Variants in ANO2 observed in about 807,000 individuals in gnomAD.
ANO2 encodes anoctamin-2.
ANO2 carries 101 observed loss-of-function variants against 124.2 expected under a neutral mutation model. The observed-to-expected ratio is 0.81, with a 90% CI of 0.69 to 0.96. ANO2 has a LOEUF of 0.96. ANO2 is among the 40% of genes least tolerant of loss of function. ANO2 has a pLI of 0.00. For synonymous variants in ANO2, 486 were observed against 482.5 expected (o/e 1.01, Z -0.09); for missense variants, 1,293 against 1,274.5 (o/e 1.01, Z -0.22).
At chr12:5,855,139 G>C (rs1365422810) in intron 3 of ANO2, among the ~76,000 whole-genome samples, 1 of 152,152 alleles carries the variant, frequency 6.6e-6, no homozygotes, top group African/African-American at 2.4e-5. Context: ...ACTGTGTTCA[G>C]AGAGAAGGAA....
At chr12:5,912,627 A>G (rs1190915793) in intron 3 of ANO2, among the ~76,000 whole-genome samples, 4 of 152,132 alleles carry the variant, frequency 2.6e-5, no homozygotes, top group Non-Finnish European at 4.4e-5. Flanking sequence ...GATCAAATCC[A>G]GCCAGCCCTA....
At chr12:5,850,285 G>A (rs56341078) in intron 4 of ANO2, among the ~76,000 whole-genome samples, 34 of 151,564 alleles carry the variant, frequency 2.2e-4, no homozygotes, top group Middle Eastern at 3.2e-3. Context: ...GCGTGGTGGC[G>A]CGTACTTATA....
At chr12:5,705,920 C>T (rs1368118750) in intron 14 of ANO2, among the ~76,000 whole-genome samples, 5 of 152,148 alleles carry the variant, frequency 3.3e-5, no homozygotes, top group Admixed American at 6.5e-5. Flanking sequence ...GCTGCCAGGT[C>T]GACAAGGTTC....
intron 3 of ANO2, among the ~76,000 whole-genome samples, chr12:5,888,045 C>T (rs749494779): frequency 1.3e-4 from 20 of 152,068 alleles, no homozygotes; most frequent in Non-Finnish European, 2.9e-4. Context: ...AGAATGAAGC[C>T]GCGGACCCTC....
chr12:5,660,164 G>C lies in ANO2; in HGVS notation c.1546-12363C>G, dbSNP rs553701631. The stretch of plus-strand genomic sequence containing the variant: ...TGCATTTTCTACTTTTAATATTTCT[G>C]ACTTATGACAGGTTTATCCACCATA... On this transcript the variant is annotated intron_variant, in intron 14 of 24. Transcript: ENST00000682330. Among the ~76,000 whole-genome samples the C allele has an allele frequency of 2.0e-5, 3 of 152,066 alleles. No homozygotes were observed. The South Asian group carries it at 6.2e-4, about 32-fold the overall frequency.
intron 16 of ANO2, among the ~76,000 whole-genome samples, chr12:5,632,421 G>C (rs1379808764): frequency 1.3e-5 from 2 of 151,848 alleles, no homozygotes; most frequent in Non-Finnish European, 2.9e-5. Flanking sequence ...AGATGAAATG[G>C]AGTTACAAAT....
chr12:5,688,877 A>C (rs1176578377), intron 14 of ANO2, among the ~76,000 whole-genome samples: 1 of 144,434 alleles, frequency 6.9e-6, no homozygotes, highest in Admixed American at 7.2e-5. Context: ...TCTCCTACCT[A>C]ACACAGGAGG....
At chr12:5,919,910 A>C (rs140572909) in intron 3 of ANO2, among the ~76,000 whole-genome samples, 1 of 151,680 alleles carries the variant, frequency 6.6e-6, no homozygotes, top group Non-Finnish European at 1.5e-5. Flanking sequence ...TGTTAGCCAG[A>C]ATGATCTCGA....
chr12:5,856,594 T>C (rs941613911), intron 3 of ANO2: 3 of 152,200 alleles, frequency 2.0e-5, no homozygotes, highest in African/African-American at 7.2e-5. Context: ...AGTAGGTGCT[T>C]TTTGCCCCGT....
chr12:5,684,190 A>T (rs1420224901), intron 14 of ANO2, among the ~76,000 whole-genome samples: 1 of 152,054 alleles, frequency 6.6e-6, no homozygotes, highest in Admixed American at 6.5e-5. Flanking sequence ...TGGCACCAAG[A>T]TCTGTCAGCA....
At chr12:5,835,249 G>A (rs1375716340) in intron 4 of ANO2, among the ~76,000 whole-genome samples, 1 of 152,146 alleles carries the variant, frequency 6.6e-6, no homozygotes, top group East Asian at 1.9e-4. Flanking sequence ...GGGTTCTGAC[G>A]GGCAATAGTG....
intron 3 of ANO2, among the ~76,000 whole-genome samples, chr12:5,859,410 CT>C (rs1346042470): frequency 3.3e-5 from 5 of 152,206 alleles, no homozygotes; most frequent in African/African-American, 7.2e-5. Flanking sequence ...TCATAAAGCC[CT>C]ACAAACCCTA....
intron 3 of ANO2, among the ~76,000 whole-genome samples, chr12:5,920,401 T>G (rs189412435): frequency 6.6e-6 from 1 of 152,254 alleles, no homozygotes; most frequent in African/African-American, 2.4e-5. Context: ...CCACTAGATG[T>G]GGCCTGAGAA....
At chr12:5,574,769 T>C (rs1942309065) in intron 23 of ANO2, among the ~76,000 whole-genome samples, 1 of 152,238 alleles carries the variant, frequency 6.6e-6, no homozygotes, top group South Asian at 2.1e-4. Context: ...GATCAATTTC[T>C]CTAAACCTTC....
At chr12:5,778,783 A>G (rs925475228) in intron 10 of ANO2, among the ~76,000 whole-genome samples, 2 of 152,218 alleles carry the variant, frequency 1.3e-5, no homozygotes, top group Non-Finnish European at 2.9e-5. Context: ...AAGTGAGAAG[A>G]AAAAAATTTT....
intron 20 of ANO2, among the ~76,000 whole-genome samples, chr12:5,584,249 T>C (rs1942973575): frequency 6.6e-6 from 1 of 151,224 alleles, no homozygotes; most frequent in Non-Finnish European, 1.5e-5. Flanking sequence ...CGGCTCTGCC[T>C]ACCCCGCCAA....
At chr12:5,679,091 C>A (rs1055213364) in intron 14 of ANO2, among the ~76,000 whole-genome samples, 6 of 152,062 alleles carry the variant, frequency 3.9e-5, no homozygotes, top group Admixed American at 3.3e-4. Flanking sequence ...ACATTTGGAG[C>A]AAATTAAGTA....
chr12:5,789,647 A>C (rs1022421118), intron 10 of ANO2, among the ~76,000 whole-genome samples: 1 of 152,218 alleles, frequency 6.6e-6, no homozygotes, highest in Non-Finnish European at 1.5e-5. Flanking sequence ...CCAAGTAGGT[A>C]CTAGAAGACA....
chr12:5,662,127 G>A (rs543549923), intron 14 of ANO2, among the ~76,000 whole-genome samples: 1 of 152,370 alleles, frequency 6.6e-6, no homozygotes, highest in East Asian at 1.9e-4. Flanking sequence ...CAGTTGTTCA[G>A]GGAGTAAGAA....
Sources: gnomAD v4.1 joint callset for allele counts (sites outside exome capture counted in the v4.1 genomes callset) on GRCh38, gnomAD v4.1.1 for gene constraint, MANE v1.5 for transcripts, NCBI Gene and HGNC (gene_info 2026-07-23, HGNC 2026-07-21) for gene names.